Variants in SLC4A10 observed in about 807,000 individuals in gnomAD.
The protein encoded by SLC4A10 is sodium-driven chloride bicarbonate exchanger.
A neutral mutation model predicts 137.7 loss-of-function variants in SLC4A10; 42 were observed. The ratio of observed to expected loss-of-function variants is 0.30; its 90% CI spans 0.24 to 0.39. The LOEUF (loss-of-function observed/expected upper bound fraction) is 0.39. Among genes scored for constraint, SLC4A10 ranks in the 10% least tolerant of loss-of-function variants. SLC4A10 has a pLI of 1.00. For synonymous variants in SLC4A10, 474 were observed against 464.1 expected (o/e 1.02, Z -0.27); for missense variants, 925 against 1,355.0 (o/e 0.68, Z 4.98).
At chr2:161,788,315 C>T (rs2053847726) in intron 2 of SLC4A10, among the ~76,000 whole-genome samples, 1 of 151,972 alleles carries the variant, frequency 6.6e-6, no homozygotes, top group Non-Finnish European at 1.5e-5. Flanking sequence ...ATCTTGTACA[C>T]TAGTACTATA....
At chr2:161,710,570 G>A (rs1010333458) in intron 1 of SLC4A10, 1 of 326,640 alleles carries the variant, frequency 3.1e-6, no homozygotes, top group African/African-American at 2.1e-5. Flanking sequence ...GCAAAGACTG[G>A]TTAGAATGTA....
At chr2:161,728,312 C>G (rs868284126) in intron 1 of SLC4A10, among the ~76,000 whole-genome samples, 1 of 152,160 alleles carries the variant, frequency 6.6e-6, no homozygotes, top group Non-Finnish European at 1.5e-5. Flanking sequence ...TGGTGGCTCA[C>G]GCCTGTAATC....
At chr2:161,923,783 C>A (rs1411803741) in intron 15 of SLC4A10, among the ~76,000 whole-genome samples, 2 of 151,842 alleles carry the variant, frequency 1.3e-5, no homozygotes, top group African/African-American at 2.4e-5. Context: ...ATGTAACAAA[C>A]CTGCACATTG....
intron 1 of SLC4A10, among the ~76,000 whole-genome samples, chr2:161,769,915 C>T (rs984674742): frequency 6.6e-6 from 1 of 150,950 alleles, no homozygotes; most frequent in African/African-American, 2.4e-5. Context: ...AAAGGCAGGT[C>T]CCCAATGTCT....
intron 1 of SLC4A10, among the ~76,000 whole-genome samples, chr2:161,764,203 C>G (rs973482900): frequency 4.6e-5 from 7 of 151,998 alleles, no homozygotes; most frequent in Non-Finnish European, 8.8e-5. Flanking sequence ...TCTCTACATA[C>G]TGTAAAATAA....
At chr2:161,924,845 C>A (rs1688774873) in intron 15 of SLC4A10, among the ~76,000 whole-genome samples, 1 of 152,078 alleles carries the variant, frequency 6.6e-6, no homozygotes, top group Non-Finnish European at 1.5e-5. Context: ...AAAGCAGAGA[C>A]CATGTTCTTG....
At chr2:161,924,720 T>C (rs1688753135) in intron 15 of SLC4A10, among the ~76,000 whole-genome samples, 1 of 152,178 alleles carries the variant, frequency 6.6e-6, no homozygotes, top group Non-Finnish European at 1.5e-5. Context: ...ATGACATTGG[T>C]ACATCAAATT....
intron 1 of SLC4A10, among the ~76,000 whole-genome samples, chr2:161,658,307 CAT>C (rs1296155900): frequency 1.3e-5 from 2 of 152,246 alleles, no homozygotes; most frequent in Admixed American, 1.3e-4. Flanking sequence ...TGAATTAAAA[CAT>C]TTAAGATAAA....
At chr2:161,734,645 G>A (rs530063532) in intron 1 of SLC4A10, among the ~76,000 whole-genome samples, 37 of 151,944 alleles carry the variant, frequency 2.4e-4, no homozygotes, top group Non-Finnish European at 4.7e-4. Context: ...ACTTTTAAAC[G>A]AGACACAATT....
chr2:161,671,553 G>A (rs2039723132), intron 1 of SLC4A10, among the ~76,000 whole-genome samples: 1 of 152,086 alleles, frequency 6.6e-6, no homozygotes, highest in African/African-American at 2.4e-5. Flanking sequence ...GAGGGAGGGA[G>A]ACAAGGGCTG....
intron 1 of SLC4A10, among the ~76,000 whole-genome samples, chr2:161,752,157 C>T (rs907674827): frequency 4.1e-4 from 63 of 152,036 alleles, no homozygotes; most frequent in African/African-American, 1.3e-3. Context: ...AAAGGAAGTA[C>T]ATCTTGTGTT....
intron 15 of SLC4A10, among the ~76,000 whole-genome samples, chr2:161,924,441 C>A (rs1209490215): frequency 6.6e-6 from 1 of 151,906 alleles, no homozygotes; most frequent in Non-Finnish European, 1.5e-5. Context: ...GAGGTGCAGA[C>A]TCAAGAAAGA....
intron 15 of SLC4A10, among the ~76,000 whole-genome samples, chr2:161,911,207 T>C (rs914439186): frequency 6.6e-6 from 1 of 152,056 alleles, no homozygotes; most frequent in Non-Finnish European, 1.5e-5. Flanking sequence ...AGTGCTTGTT[T>C]ACATTATCTT....
chr2:161,836,576 GAAA>G (rs1559359435), intron 3 of SLC4A10, among the ~76,000 whole-genome samples: 8 of 111,606 alleles, frequency 7.2e-5, no homozygotes, highest in Admixed American at 2.7e-4. Context: ...AAGAAAGAAA[GAAA>G]GAAAGAAAGA....
chr2:161,793,753 A>G (rs1316378718), intron 2 of SLC4A10, among the ~76,000 whole-genome samples: 1 of 152,150 alleles, frequency 6.6e-6, no homozygotes, highest in Non-Finnish European at 1.5e-5. Context: ...GAAGATTATG[A>G]ATATTCTTTT....
chr2:161,836,533 A>G (rs1159024833), intron 3 of SLC4A10, among the ~76,000 whole-genome samples: 1,376 of 7,166 alleles, frequency 0.19, 35 homozygotes, highest in African/African-American at 0.26. Context: ...AGAGAGAGAG[A>G]AAGAAAGAAA....
At chr2:161,861,922 T>C (rs766609216) in intron 5 of SLC4A10, among the ~76,000 whole-genome samples, 6 of 152,194 alleles carry the variant, frequency 3.9e-5, no homozygotes, top group Non-Finnish European at 8.8e-5. Context: ...TTCTGCTAAC[T>C]TTGAAACCTT....
chr2:161,968,838 AATT>A (rs779813731), intron 23 of SLC4A10, among the ~76,000 whole-genome samples: 1 of 152,174 alleles, frequency 6.6e-6, no homozygotes, highest in Non-Finnish European at 1.5e-5. Context: ...ATTTAGGAAT[AATT>A]ATACTAAAAG....
rs192156049 is a variant in SLC4A10 at position 161,714,171 on chromosome 2, G to A, written c.49-56802G>A. ...TATAAATCTACATTATTTGAAAGTC[G>A]TATTTTCTAGAAGTTCCTGTGAAGT... On this transcript the variant is annotated intron_variant, in intron 1 of 26. Transcript: ENST00000446997. 1.5e-4 allele frequency among the ~76,000 whole-genome samples: 23 copies of A among 151,928 alleles called. 1 individual carries two copies. In the East Asian group the frequency reaches 3.1e-3, roughly 20 times the overall value.
Sources: allele counts gnomAD v4.1 joint callset (sites outside exome capture counted in the v4.1 genomes callset), GRCh38; gene constraint gnomAD v4.1.1; transcripts MANE v1.5; gene names NCBI Gene and HGNC (gene_info 2026-07-23, HGNC 2026-07-21).